The following EIF2S3 variants were observed in gnomAD, a reference collection of about 807,000 sequenced individuals.
The protein encoded by EIF2S3 is eukaryotic translation initiation factor 2 subunit 3.
EIF2S3 carries 2 observed loss-of-function variants against 31.7 expected under a neutral mutation model. The observed-to-expected ratio is 0.06, with a 90% CI of 0.03 to 0.20. The LOEUF is 0.20. Among genes scored for constraint, EIF2S3 ranks in the 10% least tolerant of loss-of-function variants. The pLI, the probability that EIF2S3 is intolerant of heterozygous loss-of-function variation, is 1.00. For missense variants in EIF2S3, 96 were observed against 359.3 expected, an observed-to-expected ratio of 0.27 and a Z score of 5.92; for synonymous variants, 120 against 126.7, an observed-to-expected ratio of 0.95 and a Z score of 0.36.
At position 24,067,936 on chromosome X, in the gene EIF2S3, A is replaced by G. The variant is rs1326383610; in HGVS notation, c.868-28A>G. On this transcript the variant is annotated intron_variant, in intron 8 of 11. Transcript: ENST00000253039. Reference sequence around the variant, plus strand: ...AATGATAATTTTGCGTAACACAGTAATTCTAATTACTAATTATATGTTTAC... The same window carrying G: ...AATGATAATTTTGCGTAACACAGTAGTTCTAATTACTAATTATATGTTTAC... The G allele has an allele frequency of 2.6e-6, 3 of 1,155,308 alleles. No individual in the cohort carries two copies. The African/African-American group carries it at 5.4e-5, about 21-fold the overall frequency.
chrX:24,070,440 T>TTG (rs1930650169), intron 9 of EIF2S3, among the ~76,000 whole-genome samples: 1 of 9,310 alleles, frequency 1.1e-4, no homozygotes, highest in African/African-American at 2.7e-4. Flanking sequence ...TCATATGTAG[T>TTG]TTTTTTTTTT....
rs1175463356 is a variant in EIF2S3 at position 24,078,408 on chromosome X, TA to T, written c.*1635del. On this transcript the variant is annotated 3_prime_UTR_variant, in exon 12 of 12. Transcript: ENST00000253039. ...CTTGCTGACGTTGCTGGGGAAGCTT[TA>T]AAAAAAAAAAAGATGCCCCACAGAG... Among the ~76,000 whole-genome samples the T allele has an allele frequency of 6.9e-3, 715 of 104,039 alleles. No homozygotes were observed. Among genetic ancestry groups the T allele is most frequent in the Non-Finnish European group, 8.5e-3 (427 of 50,423 alleles). The allele number at this position is 104,039 out of a possible 115,157, so 90.3% of individuals were successfully genotyped here.
At chrX:24,057,369 T>C in intron 2 of EIF2S3, 52 bp from the exon 3 acceptor site, 1 of 1,158,705 alleles carries the variant, frequency 8.6e-7, no homozygotes, top group Non-Finnish European at 1.2e-6. Flanking sequence ...TGAAAAAATA[T>C]TTGGTATGTA....
intron 4 of EIF2S3, among the ~76,000 whole-genome samples, chrX:24,058,736 C>T (rs1343777439): frequency 9.4e-6 from 1 of 106,874 alleles, no homozygotes; most frequent in Non-Finnish European, 1.9e-5. Flanking sequence ...ATTTTTGAGA[C>T]GGAGTCTTTC....
rs1295578573 is a variant in EIF2S3, at chrX:24,077,333, T to C, written c.*548T>C. On this transcript the variant is annotated 3_prime_UTR_variant, in exon 12 of 12. Coordinates refer to ENST00000253039, the MANE Select transcript of EIF2S3 (RefSeq NM_001415.4). The stretch of plus-strand genomic sequence containing the variant: ...AGCCCACCTCGGCCTCACAAAGTGC[T>C]GGGATTACAGGCGTGAGCCACCTTG... 1 of 112,617 alleles carries C rather than the reference T, an allele frequency of 8.9e-6. No individual in the cohort carries two copies. The highest frequency in any genetic ancestry group is 3.2e-5 in the African/African-American group (1 of 30,955). The allele number at this position is 112,617 out of a possible 1,213,427, so 9.3% of individuals were successfully genotyped here. A position where few individuals can be genotyped will look rare whatever the true frequency, so the allele number is the denominator to read the frequency against.
At chrX:24,072,874 G>A (rs990784255) in intron 10 of EIF2S3, among the ~76,000 whole-genome samples, 6 of 111,348 alleles carry the variant, frequency 5.4e-5, no homozygotes, top group Non-Finnish European at 9.4e-5. Flanking sequence ...ACTCTGGTAC[G>A]GTTACTACCC....
intron 8 of EIF2S3, among the ~76,000 whole-genome samples, chrX:24,067,145 A>AG (rs1477520835): frequency 3.6e-5 from 4 of 110,866 alleles, no homozygotes; most frequent in Non-Finnish European, 7.6e-5. Context: ...GGTTCAGGTG[A>AG]TGATTCTCCT....
chrX:24,055,515 G>T, intron 1 of EIF2S3, 100 bp from the exon 2 acceptor site: 1 of 822,213 alleles, frequency 1.2e-6, no homozygotes, highest in Non-Finnish European at 1.8e-6. Flanking sequence ...GTAGTGGAAA[G>T]CTGTGCAGAT....
chrX:24,073,812 C>G (rs761199610), intron 11 of EIF2S3, among the ~76,000 whole-genome samples: 1 of 112,354 alleles, frequency 8.9e-6, no homozygotes, highest in African/African-American at 3.2e-5. Context: ...GTATTTCTAT[C>G]GTCATTGGCT....
intron 7 of EIF2S3, among the ~76,000 whole-genome samples, chrX:24,065,401 G>C (rs1930556348): frequency 9.0e-6 from 1 of 110,795 alleles, no homozygotes; most frequent in Non-Finnish European, 1.9e-5. Flanking sequence ...TGAGAGGATT[G>C]CTTGAGGCTA....
intron 9 of EIF2S3, among the ~76,000 whole-genome samples, chrX:24,069,729 C>T (rs1322046555): frequency 1.1e-5 from 1 of 92,972 alleles, no homozygotes; most frequent in South Asian, 5.4e-4. Context: ...CTCATTCTGC[C>T]ACCCAGGCTG....
At chrX:24,069,815 C>T (rs907555943) in intron 9 of EIF2S3, among the ~76,000 whole-genome samples, 25 of 105,654 alleles carry the variant, frequency 2.4e-4, no homozygotes, top group Non-Finnish European at 3.9e-5. Flanking sequence ...CTCAGCCTCC[C>T]GAGTAGCTGG....
At chrX:24,064,673 T>G (rs145088071) in intron 7 of EIF2S3, among the ~76,000 whole-genome samples, 1,255 of 111,137 alleles carry the variant, frequency 0.011, 17 homozygotes, top group African/African-American at 0.039. Flanking sequence ...ACTAAACATA[T>G]AAAAAATTAA....
Position 24,076,894 on chromosome X carries a change from G to A in EIF2S3, c.*109G>A. 2.0e-6 allele frequency: 1 copy of A among 507,124 alleles called. No individual in the cohort carries two copies. The highest frequency in any genetic ancestry group is 3.0e-6 in the Non-Finnish European group (1 of 338,629). 41.8% of individuals were successfully genotyped at this position (507,124 alleles called of 1,213,427 possible). On this transcript the variant is annotated 3_prime_UTR_variant, in exon 12 of 12. Transcript: ENST00000253039. ...TATTGGGGAATTGATTTCACAGTTCGTTACCTTAGTAGGTAACGGTAAGGT... is the reference window on the plus strand; with the variant it reads ...TATTGGGGAATTGATTTCACAGTTCATTACCTTAGTAGGTAACGGTAAGGT...
chrX:24,072,994 T>G (rs749893009), intron 10 of EIF2S3, 97 bp from the exon 11 acceptor site: 20 of 933,575 alleles, frequency 2.1e-5, no homozygotes, highest in Non-Finnish European at 2.8e-5. Context: ...TTTTTATGAT[T>G]GACATATTTC....
intron 7 of EIF2S3, among the ~76,000 whole-genome samples, chrX:24,065,323 CAT>C (rs1930555132): frequency 9.0e-6 from 1 of 111,574 alleles, no homozygotes; most frequent in African/African-American, 3.3e-5. Flanking sequence ...CGTGTATAAA[CAT>C]ATACACAGGC....
rs990781147 is a variant in EIF2S3, at chrX:24,064,419, C to T, written c.772+84C>T. On this transcript the variant is annotated intron_variant, in intron 7 of 11. Coordinates refer to ENST00000253039, the MANE Select transcript of EIF2S3 (RefSeq NM_001415.4). ...TCTTCAAGGATGTTTATTAATATTT[C>T]CTCTTTCTGCAGAGGTGATAATTCA... The T allele has an allele frequency of 7.4e-5, 77 of 1,040,397 alleles. 1 individual carries two copies. The East Asian group carries it at 2.0e-3, about 26-fold the overall frequency. The allele number at this position is 1,040,397 out of a possible 1,213,427, so 85.7% of individuals were successfully genotyped here.
At chrX:24,076,423 A>C (rs1207072467) in intron 11 of EIF2S3, among the ~76,000 whole-genome samples, 1 of 111,212 alleles carries the variant, frequency 9.0e-6, no homozygotes, top group Non-Finnish European at 1.9e-5. Flanking sequence ...AGTCCCAGCT[A>C]CTCGGGAGGC....
intron 2 of EIF2S3, among the ~76,000 whole-genome samples, chrX:24,056,484 T>G (rs1930405409): frequency 8.9e-6 from 1 of 112,263 alleles, no homozygotes; most frequent in African/African-American, 3.2e-5. Flanking sequence ...GGTTGTTTCC[T>G]TGTTTGTTCA....
Sources: gnomAD v4.1 joint callset for allele counts (sites outside exome capture counted in the v4.1 genomes callset) on GRCh38, gnomAD v4.1.1 for gene constraint, MANE v1.5 for transcripts, NCBI Gene and HGNC (gene_info 2026-07-23, HGNC 2026-07-21) for gene names.